Variants in NPAS3 observed in about 807,000 individuals in gnomAD.
The protein encoded by NPAS3 is neuronal PAS domain-containing protein 3.
Under a neutral mutation model 73.1 loss-of-function variants are expected in NPAS3, and 14 were observed. The observed-to-expected ratio is 0.19, with a 90% CI of 0.13 to 0.30. NPAS3 has a LOEUF of 0.30. Ranked by LOEUF, NPAS3 falls within the 10% of genes least tolerant of loss-of-function variation. NPAS3 has a pLI of 1.00. For synonymous variants in NPAS3, 620 were observed against 541.5 expected (o/e 1.14, Z -2.01); for missense variants, 1,096 against 1,250.0 (o/e 0.88, Z 1.86).
At position 33,220,101 on chromosome 14, in the gene NPAS3, A is replaced by G. The variant is rs1172748972; in HGVS notation, c.385+4675A>G. Among the ~76,000 whole-genome samples, 4 of 152,342 alleles carry G rather than the reference A, an allele frequency of 2.6e-5. No individual in the cohort carries two copies. The East Asian group carries it at 7.7e-4, about 29-fold the overall frequency. ...CATTCTTTTGTCTTTTTGCACGGGT[A>G]AAGGGAAGAACCCAGACTGTACACC... On this transcript the variant is annotated intron_variant, in intron 3 of 11. Coordinates refer to ENST00000356141, the Ensembl canonical transcript of NPAS3.
chr14:33,423,182 G>C (rs1046513489), intron 4 of NPAS3, among the ~76,000 whole-genome samples: 1 of 152,008 alleles, frequency 6.6e-6, no homozygotes, highest in Non-Finnish European at 1.5e-5. Flanking sequence ...AACAAGTCTA[G>C]AACTACAATT....
At chr14:33,316,966 C>A (rs1397388077) in intron 3 of NPAS3, among the ~76,000 whole-genome samples, 5 of 152,070 alleles carry the variant, frequency 3.3e-5, no homozygotes, top group Non-Finnish European at 7.4e-5. Flanking sequence ...TTTAATAGAT[C>A]ACTTCTAAAG....
chr14:33,674,611 G>C (rs568528284), intron 5 of NPAS3, among the ~76,000 whole-genome samples: 2 of 152,124 alleles, frequency 1.3e-5, no homozygotes, highest in Admixed American at 1.3e-4. Context: ...CCCGATTTAC[G>C]CTCTGTAGCA....
intron 6 of NPAS3, chr14:33,680,656 G>A (rs2059909893): frequency 1.4e-6 from 1 of 702,540 alleles, no homozygotes; most frequent in Admixed American, 2.0e-5. Context: ...CCCCTGTCAG[G>A]AAGAACATGC....
chr14:33,000,345 G>A (rs1208618505), intron 1 of NPAS3, among the ~76,000 whole-genome samples: 2 of 152,116 alleles, frequency 1.3e-5, no homozygotes, highest in Non-Finnish European at 2.9e-5. Flanking sequence ...AGTGTGGCAG[G>A]TTGTTTAGCC....
At chr14:32,969,377 T>A (rs1177577196) in intron 1 of NPAS3, among the ~76,000 whole-genome samples, 1 of 151,856 alleles carries the variant, frequency 6.6e-6, no homozygotes, top group Non-Finnish European at 1.5e-5. Flanking sequence ...TACTAGGAGG[T>A]GTGGATTATT....
At chr14:33,736,888 C>A (rs2061537055) in intron 7 of NPAS3, among the ~76,000 whole-genome samples, 1 of 152,024 alleles carries the variant, frequency 6.6e-6, no homozygotes, top group Admixed American at 6.6e-5. Context: ...TTTTTTCATA[C>A]CACAAACTAG....
chr14:33,228,061 G>A (rs1404219230), intron 3 of NPAS3, among the ~76,000 whole-genome samples: 1 of 152,162 alleles, frequency 6.6e-6, no homozygotes, highest in Non-Finnish European at 1.5e-5. Flanking sequence ...AGCTGAGATT[G>A]TGTTGGGAGG....
chr14:33,407,001 C>G (rs1035540210), intron 4 of NPAS3, among the ~76,000 whole-genome samples: 1 of 152,130 alleles, frequency 6.6e-6, no homozygotes, highest in African/African-American at 2.4e-5. Flanking sequence ...CTATTTCAAC[C>G]CCTGCTGAGA....
intron 5 of NPAS3, among the ~76,000 whole-genome samples, chr14:33,609,233 A>T (rs542357009): frequency 5.9e-5 from 9 of 152,302 alleles, no homozygotes; most frequent in African/African-American, 2.2e-4. Flanking sequence ...TATTGACCAC[A>T]TTTACTAGAC....
At chr14:33,539,793 T>G (rs747067444) in intron 4 of NPAS3, among the ~76,000 whole-genome samples, 1 of 152,182 alleles carries the variant, frequency 6.6e-6, no homozygotes, top group East Asian at 1.9e-4. Context: ...AACCCTACAG[T>G]TAGTTCTTAA....
chr14:33,117,142 A>G (rs1052132375), intron 2 of NPAS3, among the ~76,000 whole-genome samples: 4 of 151,902 alleles, frequency 2.6e-5, no homozygotes, highest in African/African-American at 9.7e-5. Context: ...ATGCTGTATA[A>G]TCATCCAATC....
At chr14:33,378,693 G>T (rs2046411409) in intron 4 of NPAS3, among the ~76,000 whole-genome samples, 1 of 152,100 alleles carries the variant, frequency 6.6e-6, no homozygotes, top group African/African-American at 2.4e-5. Context: ...TCCCCTGAGG[G>T]TCTTCACTTC....
At chr14:33,281,443 C>G (rs966014487) in intron 3 of NPAS3, among the ~76,000 whole-genome samples, 1 of 152,076 alleles carries the variant, frequency 6.6e-6, no homozygotes, top group Admixed American at 6.6e-5. Context: ...CCAGCCTGGG[C>G]AACATGGCAA....
At chr14:33,759,533 G>A (rs573708986) in intron 7 of NPAS3, among the ~76,000 whole-genome samples, 1 of 152,308 alleles carries the variant, frequency 6.6e-6, no homozygotes, top group South Asian at 2.1e-4. Context: ...TTTCATATCT[G>A]GAGCTGAAGG....
At chr14:33,086,559 A>C (rs185277050) in intron 2 of NPAS3, among the ~76,000 whole-genome samples, 18 of 152,328 alleles carry the variant, frequency 1.2e-4, no homozygotes, top group Middle Eastern at 3.4e-3. Flanking sequence ...AATGTAAGAC[A>C]AATAATGAAA....
intron 3 of NPAS3, among the ~76,000 whole-genome samples, chr14:33,348,620 A>C (rs1162675453): frequency 6.6e-6 from 1 of 152,114 alleles, no homozygotes; most frequent in African/African-American, 2.4e-5. Context: ...TTTTTTAAAG[A>C]TCTTCTTGGT....
chr14:33,172,572 C>T (rs1242786306), intron 2 of NPAS3, among the ~76,000 whole-genome samples: 1 of 151,824 alleles, frequency 6.6e-6, no homozygotes, highest in African/African-American at 2.4e-5. Context: ...CCCATCTCTA[C>T]AAAAAATAAA....
intron 1 of NPAS3, among the ~76,000 whole-genome samples, chr14:32,948,205 A>G (rs1284652289): frequency 6.6e-6 from 1 of 152,174 alleles, no homozygotes; most frequent in Non-Finnish European, 1.5e-5. Context: ...AAGGAAGTTA[A>G]TTTCTTGAAT....
Sources: gnomAD v4.1 joint callset for allele counts (sites outside exome capture counted in the v4.1 genomes callset) on GRCh38, gnomAD v4.1.1 for gene constraint, MANE v1.5 for transcripts, NCBI Gene and HGNC (gene_info 2026-07-23, HGNC 2026-07-21) for gene names.